CACNA1D: variants seen among roughly 807,000 people sequenced by gnomAD.
CACNA1D encodes the protein voltage-dependent L-type calcium channel subunit alpha-1D.
CACNA1D carries 55 observed loss-of-function variants against 257.1 expected under a neutral mutation model. That is an observed-to-expected ratio of 0.21 (90% CI 0.17 to 0.27). The LOEUF is 0.27. Among genes scored for constraint, CACNA1D ranks in the 10% least tolerant of loss-of-function variants. The pLI is 1.00. For synonymous variants in CACNA1D, 980 were observed against 1,014.9 expected, an observed-to-expected ratio of 0.97 and a Z score of 0.65; for missense variants, 1,876 against 2,784.0, an observed-to-expected ratio of 0.67 and a Z score of 7.34.
At chr3:53,775,824 G>C (rs1328025905) in intron 34 of CACNA1D, 62 bp from the exon 35 acceptor site, 1 of 1,525,658 alleles carries the variant, frequency 6.6e-7, no homozygotes, top group Non-Finnish European at 9.1e-7. Context: ...TCTCCCCTAA[G>C]ATCTAAGCTT....
At chr3:53,784,133 C>T (rs1412273054) in intron 39 of CACNA1D, among the ~76,000 whole-genome samples, 2 of 152,220 alleles carry the variant, frequency 1.3e-5, no homozygotes, top group Non-Finnish European at 1.5e-5. Context: ...CTCCCAGTGG[C>T]CCGGGGGTCT....
At chr3:53,740,437 T>C in intron 21 of CACNA1D, 98 bp downstream of exon 21, 1 of 838,748 alleles carries the variant, frequency 1.2e-6, no homozygotes, top group Admixed American at 1.7e-5. Flanking sequence ...TTACGCAGAC[T>C]ATGTCTTCAC....
intron 10 of CACNA1D, chr3:53,718,785 C>A: frequency 4.0e-6 from 6 of 1,495,712 alleles, no homozygotes; most frequent in Non-Finnish European, 5.4e-6. Context: ...GGCATTTGTG[C>A]TTTTGAAGAA....
chr3:53,710,344 G>A, intron 9 of CACNA1D: 2 of 449,030 alleles, frequency 4.5e-6, no homozygotes, highest in South Asian at 3.1e-5. Context: ...TTTGGCTGCT[G>A]TTGCTGCCCT....
chr3:53,668,646 G>A (rs931546091), intron 7 of CACNA1D, among the ~76,000 whole-genome samples: 1 of 152,106 alleles, frequency 6.6e-6, no homozygotes, highest in Non-Finnish European at 1.5e-5. Context: ...AAATGGTTGT[G>A]GTCCTTGATC....
At position 53,813,294 on chromosome 3, in the gene CACNA1D, GTTC is replaced by G. The variant is rs2095608871; in HGVS notation, c.*1892_*1894del. 6.6e-6 allele frequency: 1 copy of G among 152,144 alleles called. No individual in the cohort carries two copies. The highest frequency in any genetic ancestry group is 1.5e-5 in the Non-Finnish European group (1 of 68,016). The allele number at this position is 152,144 out of a possible 1,614,324, so 9.4% of individuals were successfully genotyped here. ...ATCCTTTTTTATTAAAATGCAAAATGTTCTTCAGAATAAAACTGTGTAATAATT... is the reference window on the plus strand; with the variant it reads ...ATCCTTTTTTATTAAAATGCAAAATGTTCAGAATAAAACTGTGTAATAATT... On this transcript the variant is annotated 3_prime_UTR_variant, in exon 48 of 48. Transcript: ENST00000350061.
Position 53,813,131 on chromosome 3 carries a change from T to TA in CACNA1D, c.*1725_*1726insA, listed in dbSNP as rs2095608069. The TA allele has an allele frequency of 2.2e-4, 3 of 13,686 alleles. No homozygotes were observed. Among genetic ancestry groups the TA allele is most frequent in the Non-Finnish European group, 4.0e-4 (3 of 7,552 alleles). The allele number at this position is 13,686 out of a possible 1,614,324, so 0.8% of individuals were successfully genotyped here. A position where few individuals can be genotyped will look rare whatever the true frequency, so the allele number is the denominator to read the frequency against. Reference sequence around the variant, plus strand: ...AATAGTATACAGACAACCTGTTAATTTTTTTTTTTTTTTTTTTTTTTGTAA... The same window carrying TA: ...AATAGTATACAGACAACCTGTTAATTATTTTTTTTTTTTTTTTTTTTTGTAA... On this transcript the variant is annotated 3_prime_UTR_variant, in exon 48 of 48. Transcript: ENST00000350061.
At chr3:53,571,629 C>T (rs963166623) in intron 3 of CACNA1D, among the ~76,000 whole-genome samples, 2 of 152,106 alleles carry the variant, frequency 1.3e-5, no homozygotes, top group East Asian at 1.9e-4. Flanking sequence ...GATGGGCCAC[C>T]TCTGTCCTGT....
Position 53,801,416 on chromosome 3 carries a change from G to A in CACNA1D, c.5399G>A (p.Ser1800Asn), listed in dbSNP as rs2095535119. 4 of 1,613,934 alleles carry A rather than the reference G, an allele frequency of 2.5e-6. No homozygotes were observed. The highest frequency in any genetic ancestry group is 3.4e-6 in the Non-Finnish European group (4 of 1,180,038). Residue 1800 changes from serine (S) to asparagine (N), a missense_variant, in exon 42 of 48, where the codon AGT becomes AAT. By Grantham distance (46) the Ser-to-Asn change is conservative. Around this residue, in one of 10 missense-constraint regions of CACNA1D, gnomAD observed 491 missense variants for 554.3 expected, o/e 0.89. Transcript: ENST00000350061. ...GACCGGGAGCCTCAGAGAAGGTCCA[G>A]TGTGAAAAGGTAACCTTGACAATGT... ...KHDREPQRRS[S>N]VKRTRYYETY...
chr3:53,691,905 AT>A (rs2094532291), intron 8 of CACNA1D, among the ~76,000 whole-genome samples: 3 of 33,172 alleles, frequency 9.0e-5, no homozygotes, highest in African/African-American at 2.1e-4. Context: ...TATTACATAT[AT>A]TATATATAAT....
intron 3 of CACNA1D, among the ~76,000 whole-genome samples, chr3:53,521,942 T>C (rs1169619073): frequency 7.0e-6 from 1 of 143,684 alleles, no homozygotes; most frequent in Non-Finnish European, 1.5e-5. Context: ...CTGGAAAACA[T>C]AGTGAGACCC....
In CACNA1D at chr3:53,793,827, C is replaced by G. The variant is rs911139821; in HGVS notation, c.4924-6422C>G. Among the ~76,000 whole-genome samples, 4 of 152,214 alleles carry G rather than the reference C, an allele frequency of 2.6e-5. No homozygotes were observed. The highest frequency in any genetic ancestry group is 4.4e-5 in the Non-Finnish European group (3 of 68,036). On this transcript the variant is annotated intron_variant, in intron 40 of 47. Transcript: ENST00000350061. This position sits in a 1 kb window ranked among gnomAD's most constrained non-coding sequence, Gnocchi z 4.1. Reference sequence around the variant, plus strand: ...GACACCGCTGTCGTTTCTCTTAAAGCCTTGGCAGAGAAGTGTAGCTTCTAG... The same window carrying G: ...GACACCGCTGTCGTTTCTCTTAAAGGCTTGGCAGAGAAGTGTAGCTTCTAG...
intron 7 of CACNA1D, among the ~76,000 whole-genome samples, chr3:53,668,500 A>G (rs1253455687): frequency 2.6e-5 from 4 of 152,220 alleles, no homozygotes; most frequent in African/African-American, 9.7e-5. Context: ...TAAATTACAC[A>G]GCATCTTTAT....
chr3:53,552,791 T>G (rs1441921491), intron 3 of CACNA1D, among the ~76,000 whole-genome samples: 1 of 152,246 alleles, frequency 6.6e-6, no homozygotes, highest in African/African-American at 2.4e-5. Flanking sequence ...CCCTCCAGTC[T>G]GAACTTGGAA....
intron 25 of CACNA1D, 150 bp downstream of exon 25, chr3:53,746,025 C>G (rs1161468276): frequency 1.4e-6 from 1 of 709,620 alleles, no homozygotes; most frequent in Non-Finnish European, 2.6e-6. Context: ...GTTTGTTTTT[C>G]ATTGAGGTGA....
chr3:53,757,393 C>T (rs571215049), intron 29 of CACNA1D, among the ~76,000 whole-genome samples: 1 of 152,330 alleles, frequency 6.6e-6, no homozygotes, highest in Admixed American at 6.5e-5. Context: ...CCCTTCTTGC[C>T]TGGTAAGATG....
intron 15 of CACNA1D, among the ~76,000 whole-genome samples, chr3:53,728,661 T>C (rs1184754893): frequency 6.6e-6 from 1 of 152,234 alleles, no homozygotes; most frequent in East Asian, 1.9e-4. Flanking sequence ...CAGAGAAGTA[T>C]TCCCTGGTGC....
chr3:53,791,801 G>T (rs1250248790), intron 40 of CACNA1D: 1 of 152,176 alleles, frequency 6.6e-6, no homozygotes, highest in African/African-American at 2.4e-5. Context: ...GAGCCAGTCT[G>T]GGGATGCCTC....
At position 53,803,468 on chromosome 3, in the gene CACNA1D, C is replaced by G. The variant is rs747965979; in HGVS notation, c.5481C>G (p.Asp1827Glu). The stretch of plus-strand genomic sequence containing the variant: ...AGCTCCCAACTATTTGCCGGGAAGA[C>G]CCAGAGATACATGGCTATTTCAGGG... Reference protein sequence around the residue: ...DEQLPTICREDPEIHGYFRDP... With the variant: ...DEQLPTICREEPEIHGYFRDP... The change falls in exon 44 of 48, where the codon GAC (aspartate) becomes GAG (glutamate). Residue 1827 changes from aspartate to glutamate, a missense_variant. This residue lies in a region of CACNA1D where 491 missense variants were observed against 554.3 expected (regional missense o/e 0.89). Transcript: ENST00000350061. 1 of 1,614,232 alleles carries G rather than the reference C, an allele frequency of 6.2e-7. No homozygotes were observed. The highest frequency in any genetic ancestry group is 1.1e-5 in the South Asian group (1 of 91,088).
Sources: allele counts gnomAD v4.1 joint callset (sites outside exome capture counted in the v4.1 genomes callset), GRCh38; gene constraint gnomAD v4.1.1; regional missense constraint gnomAD v4.1.1; non-coding constraint Gnocchi (gnomAD v3.1); transcripts MANE v1.5; gene names NCBI Gene and HGNC (gene_info 2026-07-23, HGNC 2026-07-21).